The following RBL1 variants were observed in gnomAD, a reference collection of about 807,000 sequenced individuals.
RBL1 encodes the protein RB transcriptional corepressor like 1.
Under a neutral mutation model 123.0 loss-of-function variants are expected in RBL1, and 82 were observed. That is an observed-to-expected ratio of 0.67 (90% CI 0.56 to 0.80). The LOEUF (loss-of-function observed/expected upper bound fraction) is 0.80. RBL1 is among the 30% of genes least tolerant of loss of function. The pLI is 0.00. For missense variants in RBL1, 1,171 were observed against 1,299.6 expected, an observed-to-expected ratio of 0.90 and a Z score of 1.52; for synonymous variants, 405 against 441.3, an observed-to-expected ratio of 0.92 and a Z score of 1.03.
intron 21 of RBL1, among the ~76,000 whole-genome samples, chr20:37,000,381 C>T (rs1337686339): frequency 8.3e-6 from 1 of 120,288 alleles, no homozygotes; most frequent in Non-Finnish European, 1.9e-5. Flanking sequence ...GGGGTTAGCC[C>T]CCCGCCCGGC....
At chr20:37,012,406 T>C (rs2146211040) in intron 19 of RBL1, among the ~76,000 whole-genome samples, 1 of 149,526 alleles carries the variant, frequency 6.7e-6, no homozygotes, top group East Asian at 2.0e-4. Flanking sequence ...CGCCATCCCA[T>C]CTAGGAAGTG....
chr20:37,013,886 G>A (rs1179528317), intron 19 of RBL1, among the ~76,000 whole-genome samples: 3 of 152,124 alleles, frequency 2.0e-5, no homozygotes, highest in African/African-American at 2.4e-5. Context: ...TATAAATTGT[G>A]TGTGTGCTTT....
chr20:37,016,705 C>G (rs886325844), intron 19 of RBL1, among the ~76,000 whole-genome samples: 1 of 151,746 alleles, frequency 6.6e-6, no homozygotes, highest in Non-Finnish European at 1.5e-5. Context: ...GGTAGGGAGA[C>G]TGCTTGAGCC....
chr20:37,093,931 G>A (rs1052080578), intron 1 of RBL1, among the ~76,000 whole-genome samples: 2 of 151,908 alleles, frequency 1.3e-5, no homozygotes, highest in Non-Finnish European at 2.9e-5. Context: ...GTGAGCCACC[G>A]TGCGCCCGGC....
intron 2 of RBL1, among the ~76,000 whole-genome samples, chr20:37,076,156 A>G (rs2065360252): frequency 6.6e-6 from 1 of 152,192 alleles, no homozygotes; most frequent in Admixed American, 6.6e-5. Flanking sequence ...AAATGATGTC[A>G]TACTACAACA....
At chr20:37,077,019 C>A (rs1354247322) in intron 2 of RBL1, among the ~76,000 whole-genome samples, 2 of 150,512 alleles carry the variant, frequency 1.3e-5, no homozygotes, top group African/African-American at 4.9e-5. Flanking sequence ...TCACTGCAAT[C>A]TCCGCCTTCC....
intron 2 of RBL1, among the ~76,000 whole-genome samples, chr20:37,077,479 C>G (rs768615914): frequency 6.6e-6 from 1 of 152,098 alleles, no homozygotes; most frequent in Non-Finnish European, 1.5e-5. Flanking sequence ...AGACTGACCT[C>G]CCTTGAGTAA....
At chr20:37,071,794 T>C (rs1055255487) in intron 2 of RBL1, among the ~76,000 whole-genome samples, 1 of 152,112 alleles carries the variant, frequency 6.6e-6, no homozygotes, top group Admixed American at 6.6e-5. Flanking sequence ...GATCTGGCTG[T>C]TTAAAAGTGT....
At chr20:37,071,427 T>A (rs1600579748) in intron 2 of RBL1, among the ~76,000 whole-genome samples, 1 of 152,028 alleles carries the variant, frequency 6.6e-6, no homozygotes, top group Non-Finnish European at 1.5e-5. Flanking sequence ...AGGGTGAGGC[T>A]GGAGGATCAC....
At chr20:37,026,658 C>A (rs1433533404) in intron 16 of RBL1, among the ~76,000 whole-genome samples, 2 of 146,664 alleles carry the variant, frequency 1.4e-5, no homozygotes, top group Admixed American at 6.9e-5. Flanking sequence ...GAGCCAAGAT[C>A]GTGCCACTGC....
In RBL1 at chr20:37,007,411, C is replaced by T; in HGVS notation, c.2871G>A (p.Met957Ile). 1 of 1,612,320 alleles carries T rather than the reference C, an allele frequency of 6.2e-7. No individual in the cohort carries two copies. The highest frequency in any genetic ancestry group is 1.3e-5 in the African/African-American group (1 of 74,930). Residue 957 changes from methionine (M) to isoleucine (I), a missense_variant and splice_region_variant, in exon 20 of 22, where the codon ATG becomes ATA. Transcript: ENST00000373664. ...TAAAGTAGTAAAACATAGAACATAC[C>T]ATATGGTCCTGATTCGCCAAGTCGT... ...LKYDLANQDH[M>I]MDAPPLSPFP...
intron 11 of RBL1, among the ~76,000 whole-genome samples, chr20:37,051,847 A>T (rs2146279215): frequency 6.6e-6 from 1 of 152,120 alleles, no homozygotes; most frequent in East Asian, 1.9e-4. Context: ...TTAGAAAAAA[A>T]AAAATGACCC....
Position 37,032,799 on chromosome 20 carries a change from G to A in RBL1, c.2248C>T (p.Pro750Ser), listed in dbSNP as rs974537864. 1 of 1,613,892 alleles carries A rather than the reference G, an allele frequency of 6.2e-7. No homozygotes were observed. The highest frequency in any genetic ancestry group is 8.5e-7 in the Non-Finnish European group (1 of 1,179,998). ...AATGAATGAGCAGTAAGTGATACAG[G>A]ACTCTTGACTTTGGACTCCTGATTT... ...NTNQESKVKS[P>S]VSLTAHSLIG... The change falls in exon 16 of 22, where the codon CCT becomes TCT. Residue 750 changes from proline to serine, a missense_variant. Physicochemically the swap from Pro to Ser is moderately conservative, Grantham distance 74 (BLOSUM62 -1). Coordinates refer to ENST00000373664, the MANE Select transcript of RBL1 (RefSeq NM_002895.5).
chr20:37,025,462 G>T (rs1355772335), intron 16 of RBL1, among the ~76,000 whole-genome samples: 2 of 152,046 alleles, frequency 1.3e-5, no homozygotes, highest in African/African-American at 4.8e-5. Flanking sequence ...TGAGGCTGCA[G>T]TGAGCCATGA....
intron 2 of RBL1, chr20:37,082,092 C>A: frequency 2.2e-6 from 1 of 447,484 alleles, no homozygotes; most frequent in South Asian, 1.6e-5. Context: ...GGGCCAGGAT[C>A]ATAAGGTTTC....
chr20:37,005,955 G>A (rs1001481096), intron 20 of RBL1, among the ~76,000 whole-genome samples: 3 of 144,076 alleles, frequency 2.1e-5, no homozygotes, highest in African/African-American at 5.1e-5. Context: ...GAGTGTGGTG[G>A]TGCGATTGTG....
At chr20:37,002,412 C>A (rs372595655) in intron 21 of RBL1, among the ~76,000 whole-genome samples, 1 of 129,118 alleles carries the variant, frequency 7.7e-6, no homozygotes, top group Non-Finnish European at 1.6e-5. Context: ...GGCACGATCT[C>A]GGCTCACTGC....
At chr20:37,076,875 G>C (rs889264398) in intron 2 of RBL1, among the ~76,000 whole-genome samples, 7 of 151,782 alleles carry the variant, frequency 4.6e-5, no homozygotes, top group African/African-American at 1.7e-4. Context: ...CTTGCAAGGA[G>C]AGCATAAGAA....
intron 16 of RBL1, among the ~76,000 whole-genome samples, chr20:37,024,170 G>A (rs992276112): frequency 1.3e-5 from 2 of 151,928 alleles, no homozygotes; most frequent in South Asian, 4.2e-4. Context: ...CCTACAAACC[G>A]AGCTTAAAAA....
Sources: gnomAD v4.1 joint callset for allele counts (sites outside exome capture counted in the v4.1 genomes callset) on GRCh38, gnomAD v4.1.1 for gene constraint, MANE v1.5 for transcripts, NCBI Gene and HGNC (gene_info 2026-07-23, HGNC 2026-07-21) for gene names.